ITCH: variants seen among roughly 807,000 people sequenced by gnomAD.
ITCH encodes itchy E3 ubiquitin protein ligase, also known as E3 ubiquitin-protein ligase Itchy homolog.
Under a neutral mutation model 126.8 loss-of-function variants are expected in ITCH, and 28 were observed. The ratio of observed to expected loss-of-function variants is 0.22; its 90% CI spans 0.16 to 0.30. The LOEUF is 0.30. Ranked by LOEUF, ITCH falls within the 10% of genes least tolerant of loss-of-function variation. The pLI is 1.00. For synonymous variants in ITCH, 342 were observed against 340.0 expected (o/e 1.01, Z -0.06); for missense variants, 631 against 1,032.4 (o/e 0.61, Z 5.33).
Position 34,373,801 on chromosome 20 carries a change from A to G in ITCH, c.-22+4331A>G, listed in dbSNP as rs564777240. On this transcript the variant is annotated intron_variant, in intron 2 of 24. Coordinates refer to ENST00000374864, the MANE Select transcript of ITCH (RefSeq NM_031483.7). ...AGCTTAACTCACTCCAGAAATATCT[A>G]CTAACTTGCTTGCTTTCTGAGAAAA... Among the ~76,000 whole-genome samples the G allele has an allele frequency of 6.4e-4, 98 of 152,316 alleles. 1 individual carries two copies. Among genetic ancestry groups the G allele is most frequent in the African/African-American group, 2.3e-3 (97 of 41,578 alleles).
chr20:34,459,583 G>A (rs574987743), intron 13 of ITCH, among the ~76,000 whole-genome samples: 2 of 152,288 alleles, frequency 1.3e-5, no homozygotes, highest in Non-Finnish European at 2.9e-5. Context: ...GCAAAGGCCA[G>A]ACCTCTCTTT....
At chr20:34,401,252 C>T (rs1398575418) in intron 3 of ITCH, among the ~76,000 whole-genome samples, 1 of 152,058 alleles carries the variant, frequency 6.6e-6, no homozygotes, top group East Asian at 1.9e-4. Context: ...ATAACCTCAG[C>T]TATTATACTG....
intron 20 of ITCH, among the ~76,000 whole-genome samples, chr20:34,483,485 C>T (rs567991357): frequency 6.6e-6 from 1 of 152,254 alleles, no homozygotes; most frequent in Non-Finnish European, 1.5e-5. Flanking sequence ...ACAAATCCAC[C>T]AGTCTCTAGC....
chr20:34,390,770 T>C (rs1412531170), intron 2 of ITCH, among the ~76,000 whole-genome samples: 1 of 149,998 alleles, frequency 6.7e-6, no homozygotes, highest in Non-Finnish European at 1.5e-5. Context: ...CTTTTTTTTT[T>C]CTTTTTTGAG....
chr20:34,510,660 C>CT lies in ITCH; in HGVS notation c.*2867dup, dbSNP rs1978698195. 2 of 152,020 alleles carry CT rather than the reference C, an allele frequency of 1.3e-5. No individual in the cohort carries two copies. Among genetic ancestry groups the CT allele is most frequent in the Admixed American group, 1.3e-4 (2 of 15,246 alleles). 9.4% of individuals were successfully genotyped at this position (152,020 alleles called of 1,614,324 possible). On this transcript the variant is annotated 3_prime_UTR_variant, in exon 25 of 25. Transcript: ENST00000374864. ...CAGCTCATAATAATGAATTCCTGCT[C>CT]TGTCTTTTATTATCTTATGTCAGAG...
At chr20:34,433,022 G>T (rs560928874) in intron 7 of ITCH, among the ~76,000 whole-genome samples, 69 of 152,310 alleles carry the variant, frequency 4.5e-4, no homozygotes, top group African/African-American at 1.7e-3. Flanking sequence ...GGGCGCAGTG[G>T]CTCATGCCTG....
intron 3 of ITCH, chr20:34,402,142 A>G: frequency 2.9e-6 from 3 of 1,048,428 alleles, no homozygotes; most frequent in Non-Finnish European, 4.5e-6. Context: ...CTCTGGAGAG[A>G]TGTTCCTAGC....
At position 34,510,664 on chromosome 20, in the gene ITCH, CTT is replaced by C. The variant is rs775093678; in HGVS notation, c.*2873_*2874del. The C allele has an allele frequency of 6.6e-6, 1 of 151,910 alleles. No homozygotes were observed. Among genetic ancestry groups the C allele is most frequent in the Non-Finnish European group, 1.5e-5 (1 of 67,996 alleles). The allele number at this position is 151,910 out of a possible 1,614,324, so 9.4% of individuals were successfully genotyped here. On this transcript the variant is annotated 3_prime_UTR_variant, in exon 25 of 25. Transcript: ENST00000374864. ...TCATAATAATGAATTCCTGCTCTGT[CTT>C]TTATTATCTTATGTCAGAGTGCAGC...
chr20:34,479,268 G>A (rs1176507894), intron 17 of ITCH, among the ~76,000 whole-genome samples: 3 of 152,192 alleles, frequency 2.0e-5, no homozygotes, highest in Middle Eastern at 3.4e-3. Flanking sequence ...TTTTAAATTT[G>A]CCTATGAATA....
At chr20:34,455,276 A>C (rs1382765301) in intron 12 of ITCH, among the ~76,000 whole-genome samples, 8 of 152,228 alleles carry the variant, frequency 5.3e-5, no homozygotes, top group Non-Finnish European at 1.2e-4. Flanking sequence ...TTAATACATC[A>C]GTTCATTCTA....
intron 3 of ITCH, 108 bp downstream of exon 3, chr20:34,393,989 T>G: frequency 1.9e-6 from 2 of 1,071,326 alleles, no homozygotes; most frequent in Non-Finnish European, 2.9e-6. Context: ...CCCAGCACTT[T>G]GGGAGGCTGA....
chr20:34,462,182 C>G lies in ITCH; in HGVS notation c.1385C>G (p.Thr462Ser), dbSNP rs2146375594. ...TATTTTGTGGACCACAATAGAAGAA[C>G]TACCACCTATATAGATCCCCGCACA... is the stretch of plus-strand genomic sequence containing the variant. ...IPYFVDHNRR[T>S]TTYIDPRTGK... Residue 462 changes from threonine (T) to serine (S), a missense_variant, in exon 14 of 25, where the codon ACT (threonine) becomes AGT (serine). Coordinates refer to ENST00000374864, the MANE Select transcript of ITCH (RefSeq NM_031483.7). 6.2e-7 allele frequency: 1 copy of G among 1,613,878 alleles called. No individual in the cohort carries two copies. Among genetic ancestry groups the G allele is most frequent in the Non-Finnish European group, 8.5e-7 (1 of 1,179,806 alleles).
At chr20:34,410,814 C>T (rs1197382372) in intron 4 of ITCH, among the ~76,000 whole-genome samples, 1 of 152,186 alleles carries the variant, frequency 6.6e-6, no homozygotes, top group African/African-American at 2.4e-5. Context: ...TTGATATGCA[C>T]TTGGAGGCTC....
chr20:34,444,388 C>T (rs539770650), intron 10 of ITCH, among the ~76,000 whole-genome samples: 2 of 151,938 alleles, frequency 1.3e-5, no homozygotes, highest in African/African-American at 4.8e-5. Context: ...GTTCGAGGGC[C>T]GCCTGACCAA....
chr20:34,464,322 CT>C lies in ITCH; in HGVS notation c.1424+2113del, dbSNP rs1440765809. The stretch of plus-strand genomic sequence containing the variant: ...TTTTTTTTTTTTTCTTTCTTTCTTT[CT>C]TTTTTTTTTTTGAGACGGAGCTTCA... On this transcript the variant is annotated intron_variant, in intron 14 of 24. Transcript: ENST00000374864. 9.6e-4 allele frequency among the ~76,000 whole-genome samples: 123 copies of C among 128,666 alleles called. 1 individual carries two copies. Among genetic ancestry groups the C allele is most frequent in the Non-Finnish European group, 5.4e-4 (32 of 59,424 alleles). 84.4% of individuals were successfully genotyped at this position (128,666 alleles called of 152,430 possible).
At chr20:34,398,011 C>A (rs1356550997) in intron 3 of ITCH, among the ~76,000 whole-genome samples, 1 of 142,344 alleles carries the variant, frequency 7.0e-6, no homozygotes, top group Non-Finnish European at 1.5e-5. Context: ...TTTTTTTTTA[C>A]TGTGATGATA....
intron 4 of ITCH, among the ~76,000 whole-genome samples, chr20:34,409,493 T>G (rs773985577): frequency 1.3e-5 from 2 of 152,196 alleles, no homozygotes; most frequent in African/African-American, 2.4e-5. Flanking sequence ...CATCTCAGCC[T>G]TTTTCTCAAG....
intron 16 of ITCH, chr20:34,475,850 T>C: frequency 1.2e-6 from 1 of 805,434 alleles, no homozygotes; most frequent in Non-Finnish European, 2.1e-6. Flanking sequence ...CTCATCCATG[T>C]ACTCATTTTA....
At chr20:34,395,810 G>T (rs538735242) in intron 3 of ITCH, among the ~76,000 whole-genome samples, 1 of 152,082 alleles carries the variant, frequency 6.6e-6, no homozygotes, top group Admixed American at 6.6e-5. Flanking sequence ...ATATTTTATT[G>T]TATGAGTATA....
Sources: gnomAD v4.1 joint callset for allele counts (sites outside exome capture counted in the v4.1 genomes callset) on GRCh38, gnomAD v4.1.1 for gene constraint, MANE v1.5 for transcripts, NCBI Gene and HGNC (gene_info 2026-07-23, HGNC 2026-07-21) for gene names.